The following ZNF678 variants were observed in gnomAD, a reference collection of about 807,000 sequenced individuals.
The protein encoded by ZNF678 is hypothetical protein MGC42493.
A neutral mutation model predicts 3.0 loss-of-function variants in ZNF678; 5 were observed. The observed-to-expected ratio is 1.69, with a 90% CI of 0.88 to 3.56. The LOEUF (loss-of-function observed/expected upper bound fraction) is 3.56, where lower values mean the gene tolerates loss of function less well. Among genes scored for constraint, ZNF678 ranks in the 30% most tolerant of loss-of-function variants. ZNF678 has a pLI of 0.00. For missense variants in ZNF678, 593 were observed against 605.0 expected (o/e 0.98, Z 0.21); for synonymous variants, 218 against 199.6 (o/e 1.09, Z -0.78).
chr1:227,674,808 G>A (rs1387547624), intron 5 of ZNF678, among the ~76,000 whole-genome samples: 2 of 151,910 alleles, frequency 1.3e-5, no homozygotes, highest in South Asian at 2.1e-4. Flanking sequence ...TCACCATGTT[G>A]GCCAGGCTGG....
At chr1:227,667,333 A>G (rs934064400), downstream of ZNF678, among the ~76,000 whole-genome samples, 1 of 152,094 alleles carries the variant, frequency 6.6e-6, no homozygotes, top group Non-Finnish European at 1.5e-5. Flanking sequence ...ACCACACCCC[A>G]CTGAGAACAG....
At chr1:227,571,992 A>G (rs1462505456) in intron 1 of ZNF678, among the ~76,000 whole-genome samples, 1 of 152,250 alleles carries the variant, frequency 6.6e-6, no homozygotes, top group East Asian at 1.9e-4. Context: ...CAGTGAGCCA[A>G]GATCGCACCA....
chr1:227,652,735 G>A (rs1053830505), intron 3 of ZNF678, among the ~76,000 whole-genome samples: 2 of 151,990 alleles, frequency 1.3e-5, no homozygotes, highest in Non-Finnish European at 2.9e-5. Flanking sequence ...GACATCAACA[G>A]ATGTTTATTG....
chr1:227,669,107 A>C (rs1659556299), intron 5 of ZNF678, among the ~76,000 whole-genome samples: 1 of 152,080 alleles, frequency 6.6e-6, no homozygotes, highest in Non-Finnish European at 1.5e-5. Context: ...AAAAAAAAAA[A>C]ACCACTAACA....
intron 1 of ZNF678, among the ~76,000 whole-genome samples, chr1:227,628,191 T>A (rs1269108540): frequency 6.6e-6 from 1 of 152,218 alleles, no homozygotes. Flanking sequence ...CTGTAAACAA[T>A]GAGTCCAACC....
At chr1:227,608,744 A>C (rs1189075453) in intron 1 of ZNF678, among the ~76,000 whole-genome samples, 1 of 152,196 alleles carries the variant, frequency 6.6e-6, no homozygotes, top group Non-Finnish European at 1.5e-5. Context: ...AAGAGCACTT[A>C]AAATGCCCGG....
chr1:227,675,876 A>G (rs1187363808), intron 5 of ZNF678, among the ~76,000 whole-genome samples: 3 of 152,232 alleles, frequency 2.0e-5, no homozygotes, highest in Non-Finnish European at 4.4e-5. Context: ...TAAGAATGCA[A>G]CATCTGCAAG....
rs982932212 is a variant in ZNF678, at chr1:227,660,935, C to G, written c.*5107C>G. The G allele has an allele frequency of 6.6e-6, 1 of 152,094 alleles. No homozygotes were observed. The highest frequency in any genetic ancestry group is 1.5e-5 in the Non-Finnish European group (1 of 68,006). The allele number at this position is 152,094 out of a possible 1,614,324, so 9.4% of individuals were successfully genotyped here. A position where few individuals can be genotyped will look rare whatever the true frequency, so the allele number is the denominator to read the frequency against. On this transcript the variant is annotated 3_prime_UTR_variant, in exon 4 of 4. Transcript: ENST00000343776. ...AAGTAATGTTGAATTTTCTAAAATTCTTTTTCTGCATTCACTTAAAAGTTA... is the reference window on the plus strand; with the variant it reads ...AAGTAATGTTGAATTTTCTAAAATTGTTTTTCTGCATTCACTTAAAAGTTA...
Position 227,608,653 on chromosome 1 carries a change from C to T in ZNF678, c.-163-37891C>T, listed in dbSNP as rs1657939330. The stretch of plus-strand genomic sequence containing the variant: ...CAAAATATCTATCTGAAATATTTTA[C>T]TTATGTATTTTTTGGGAATAATATT... On this transcript the variant is annotated intron_variant, in intron 1 of 3. Transcript: ENST00000343776. Among the ~76,000 whole-genome samples, 5 of 152,054 alleles carry T rather than the reference C, an allele frequency of 3.3e-5. No homozygotes were observed. The South Asian group carries it at 1.0e-3, about 32-fold the overall frequency.
At chr1:227,668,057 T>TG (rs1433213495) in intron 5 of ZNF678, among the ~76,000 whole-genome samples, 1 of 152,212 alleles carries the variant, frequency 6.6e-6, no homozygotes, top group African/African-American at 2.4e-5. Flanking sequence ...AAGTTTCTGT[T>TG]GCAGCTCTTG....
At chr1:227,600,327 G>T (rs1657703770) in intron 1 of ZNF678, among the ~76,000 whole-genome samples, 1 of 152,208 alleles carries the variant, frequency 6.6e-6, no homozygotes, top group Admixed American at 6.5e-5. Context: ...TATTTACCCA[G>T]TAATGGGATT....
chr1:227,674,233 AT>A (rs1333986360), intron 5 of ZNF678, among the ~76,000 whole-genome samples: 1 of 152,230 alleles, frequency 6.6e-6, no homozygotes, highest in African/African-American at 2.4e-5. Context: ...CCAAATGGTA[AT>A]TGATACGTAA....
At chr1:227,664,521 A>G (rs1659469908), downstream of ZNF678, among the ~76,000 whole-genome samples, 2 of 152,150 alleles carry the variant, frequency 1.3e-5, no homozygotes, top group African/African-American at 2.4e-5. Flanking sequence ...TTAACTTTGC[A>G]TGCCCCCTGC....
Position 227,655,630 on chromosome 1 carries a change from C to A in ZNF678, c.1380C>A (p.Pro460=). 1 of 1,612,446 alleles carries A rather than the reference C, an allele frequency of 6.2e-7. No individual in the cohort carries two copies. The highest frequency in any genetic ancestry group is 1.1e-5 in the South Asian group (1 of 91,034). The change falls in exon 4 of 4, where the codon CCC becomes CCA. Residue 460 remains proline (P), a synonymous_variant. Coordinates refer to ENST00000343776, the MANE Select transcript of ZNF678 (RefSeq NM_001367909.1). Reference sequence around the variant, plus strand: ...AGAGAATTCATACTGAAGAGAAACCCTACAAATGTGAAGAATGTGGCAAAG... The same window carrying A: ...AGAGAATTCATACTGAAGAGAAACCATACAAATGTGAAGAATGTGGCAAAG... ...KHKRIHTEEK[P]YKCEECGKAF... is the part of the protein sequence containing the mutation.
At chr1:227,570,433 T>C (rs934092990) in intron 1 of ZNF678, among the ~76,000 whole-genome samples, 1 of 152,234 alleles carries the variant, frequency 6.6e-6, no homozygotes. Flanking sequence ...CTTTGGATAA[T>C]ATGACACTTC....
chr1:227,672,276 G>A (rs1424655687), intron 5 of ZNF678, among the ~76,000 whole-genome samples: 1 of 152,102 alleles, frequency 6.6e-6, no homozygotes, highest in Admixed American at 6.5e-5. Flanking sequence ...GGAACAGTAG[G>A]GGGAAGAAAA....
At chr1:227,671,259 T>A (rs1659596917) in intron 5 of ZNF678, among the ~76,000 whole-genome samples, 1 of 151,330 alleles carries the variant, frequency 6.6e-6, no homozygotes, top group Admixed American at 6.6e-5. Context: ...AAAAAAAAAA[T>A]TGTAGAGACA....
chr1:227,655,559 G>C lies in ZNF678; in HGVS notation c.1309G>C (p.Glu437Gln). 1 of 1,612,564 alleles carries C rather than the reference G, an allele frequency of 6.2e-7. No individual in the cohort carries two copies. Among genetic ancestry groups the C allele is most frequent in the South Asian group, 1.1e-5 (1 of 91,050 alleles). ...TGGAGAGAAACCCTACAAATGTAAA[G>C]AATGTGGCAAAGCTTTTTACCAATC... Reference protein sequence around the residue: ...HTGEKPYKCKECGKAFYQSSI... With the variant: ...HTGEKPYKCKQCGKAFYQSSI... Residue 437 changes from glutamate to glutamine, a missense_variant, in exon 4 of 4, where the codon GAA becomes CAA. Transcript: ENST00000343776.
intron 1 of ZNF678, among the ~76,000 whole-genome samples, chr1:227,635,060 A>G (rs1305906646): frequency 6.7e-6 from 1 of 149,142 alleles, no homozygotes; most frequent in Non-Finnish European, 1.5e-5. Flanking sequence ...GTGAGGGAAG[A>G]GAACAAGAGT....
Sources: allele counts gnomAD v4.1 joint callset (sites outside exome capture counted in the v4.1 genomes callset), GRCh38; gene constraint gnomAD v4.1.1; transcripts MANE v1.5; gene names NCBI Gene and HGNC (gene_info 2026-07-23, HGNC 2026-07-21).